The following P4HA3 variants were observed in gnomAD, a reference collection of about 807,000 sequenced individuals.
P4HA3 encodes the protein prolyl 4-hydroxylase subunit alpha 3, also known as prolyl 4-hydroxylase subunit alpha-3.
A neutral mutation model predicts 66.7 loss-of-function variants in P4HA3; 60 were observed. The ratio of observed to expected loss-of-function variants is 0.90; its 90% CI spans 0.73 to 1.12. The LOEUF is 1.12. Ranked by LOEUF, P4HA3 falls within the 50% of genes most tolerant of loss-of-function variation. The pLI is 0.00. For synonymous variants in P4HA3, 263 were observed against 274.6 expected (o/e 0.96, Z 0.42); for missense variants, 683 against 685.8 (o/e 1.00, Z 0.05).
At chr11:74,263,586 C>T (rs1859944199), downstream of P4HA3, among the ~76,000 whole-genome samples, 5 of 152,230 alleles carry the variant, frequency 3.3e-5, no homozygotes, top group South Asian at 1.0e-3. Context: ...ACTCAGTTTC[C>T]CTCATCTATA....
chr11:74,268,977 G>A (rs1015836317), intron 11 of P4HA3, among the ~76,000 whole-genome samples: 14 of 152,286 alleles, frequency 9.2e-5, no homozygotes, highest in African/African-American at 3.4e-4. Context: ...TACAAGAGGC[G>A]TCAAGCTCCT....
chr11:74,277,807 C>T (rs1343529377), intron 8 of P4HA3, among the ~76,000 whole-genome samples: 1 of 152,196 alleles, frequency 6.6e-6, no homozygotes, highest in Non-Finnish European at 1.5e-5. Flanking sequence ...ATTTACGTCC[C>T]TGGGAAGTGA....
intron 3 of P4HA3, among the ~76,000 whole-genome samples, chr11:74,301,085 G>A (rs907255098): frequency 6.6e-6 from 1 of 152,172 alleles, no homozygotes; most frequent in Non-Finnish European, 1.5e-5. Flanking sequence ...AGAAGGGATG[G>A]GGGGTGGCGA....
chr11:74,297,597 AG>A (rs1861267829), intron 4 of P4HA3, among the ~76,000 whole-genome samples: 3 of 152,172 alleles, frequency 2.0e-5, no homozygotes, highest in Non-Finnish European at 4.4e-5. Flanking sequence ...TGCTTTATTT[AG>A]GGAAATGAAC....
intron 15 of P4HA3, chr11:74,252,528 TCTGCAGGGGTGATC>T (rs1859729931): frequency 2.2e-6 from 1 of 455,526 alleles, no homozygotes; most frequent in South Asian, 1.6e-5. Context: ...TATTAGCCAC[TCTGCAGGGGTGATC>T]CTGGAAGCTC....
At chr11:74,255,755 G>C (rs979176641) in intron 15 of P4HA3, among the ~76,000 whole-genome samples, 2 of 152,212 alleles carry the variant, frequency 1.3e-5, no homozygotes, top group Non-Finnish European at 2.9e-5. Context: ...AGAGAACTGT[G>C]TCCCCATGTC....
chr11:74,264,191 A>G (rs920734947), downstream of P4HA3, among the ~76,000 whole-genome samples: 2 of 151,794 alleles, frequency 1.3e-5, no homozygotes, highest in African/African-American at 4.8e-5. Context: ...TAAGGGAGAC[A>G]GACCAGTCCC....
intron 10 of P4HA3, 139 bp downstream of exon 10, chr11:74,273,406 C>T: frequency 1.7e-6 from 1 of 576,690 alleles, no homozygotes; most frequent in Non-Finnish European, 2.7e-6. Flanking sequence ...ATCAAAAATG[C>T]TGTCTGAAAT....
In P4HA3 at chr11:74,267,802, A is replaced by G. The variant is rs180950167; in HGVS notation, c.1564+343T>C. Among the ~76,000 whole-genome samples, 9 of 152,202 alleles carry G rather than the reference A, an allele frequency of 5.9e-5. No individual in the cohort carries two copies. In the East Asian group the frequency reaches 1.7e-3, roughly 29 times the overall value. ...CTCTTCTTTGTTTTCCCACCTCCTC[A>G]TGGGGAGCACTAAACAGGAGAGACA... is the stretch of plus-strand genomic sequence containing the variant. On this transcript the variant is annotated intron_variant, in intron 12 of 12. Coordinates refer to ENST00000331597, the MANE Select transcript of P4HA3 (RefSeq NM_182904.5).
intron 7 of P4HA3, among the ~76,000 whole-genome samples, chr11:74,280,442 G>A (rs1482128177): frequency 1.3e-5 from 2 of 152,166 alleles, no homozygotes; most frequent in Non-Finnish European, 2.9e-5. Flanking sequence ...TTACAGGAAT[G>A]AGCCACCATA....
intron 4 of P4HA3, among the ~76,000 whole-genome samples, chr11:74,294,825 C>A (rs1213579462): frequency 6.6e-5 from 10 of 152,168 alleles, no homozygotes; most frequent in Non-Finnish European, 1.5e-4. Context: ...CAGAGGAGTA[C>A]CCTGCCATGT....
chr11:74,288,969 T>C (rs1298442976), intron 5 of P4HA3, 110 bp downstream of exon 5: 1 of 563,804 alleles, frequency 1.8e-6, no homozygotes, highest in African/African-American at 2.2e-5. Context: ...AAAAAAAAGA[T>C]AATAAAGATA....
chr11:74,256,424 G>A (rs760329251), intron 15 of P4HA3, among the ~76,000 whole-genome samples: 4 of 152,186 alleles, frequency 2.6e-5, no homozygotes, highest in Admixed American at 1.3e-4. Context: ...TAAAGGCAAG[G>A]AAGCAAAAGC....
chr11:74,287,514 T>C (rs1860840591), intron 5 of P4HA3, among the ~76,000 whole-genome samples: 2 of 152,124 alleles, frequency 1.3e-5, no homozygotes, highest in South Asian at 4.1e-4. Context: ...TGCAAATAAA[T>C]AAAGAAGGGT....
chr11:74,261,062 C>T (rs901410628), intron 14 of P4HA3, among the ~76,000 whole-genome samples: 3 of 152,168 alleles, frequency 2.0e-5, no homozygotes, highest in Admixed American at 6.5e-5. Context: ...AGCTTGTACC[C>T]GCATTCAGGG....
chr11:74,266,878 C>T lies in P4HA3; in HGVS notation c.*370G>A. 1.2e-6 allele frequency: 1 copy of T among 831,620 alleles called. No individual in the cohort carries two copies. The highest frequency in any genetic ancestry group is 1.8e-6 in the Non-Finnish European group (1 of 551,972). The allele number at this position is 831,620 out of a possible 1,614,324, so 51.5% of individuals were successfully genotyped here. On this transcript the variant is annotated 3_prime_UTR_variant, in exon 13 of 13. Coordinates refer to ENST00000331597, the MANE Select transcript of P4HA3 (RefSeq NM_182904.5). ...GCCCCTCCTGCAGGTGTCCTCATTG[C>T]CACTTCTTGGTCCCTGTGGTCAAGG...
chr11:74,304,882 G>T (rs987843154), intron 1 of P4HA3, among the ~76,000 whole-genome samples: 1 of 152,108 alleles, frequency 6.6e-6, no homozygotes, highest in African/African-American at 2.4e-5. Context: ...TCCACGGACC[G>T]GGGGGTTGGG....
chr11:74,286,049 G>A (rs1860787989), intron 6 of P4HA3, 64 bp from the exon 7 acceptor site: 1 of 1,525,796 alleles, frequency 6.6e-7, no homozygotes, highest in African/African-American at 1.4e-5. Context: ...TCAACTTAGG[G>A]GAACTATGGC....
At chr11:74,284,651 G>T (rs17132911) in intron 7 of P4HA3, among the ~76,000 whole-genome samples, 41 of 152,132 alleles carry the variant, frequency 2.7e-4, no homozygotes, top group African/African-American at 9.6e-4. Flanking sequence ...TGTCTATTTA[G>T]TCATTCATGG....
Sources: allele counts gnomAD v4.1 joint callset (sites outside exome capture counted in the v4.1 genomes callset), GRCh38; gene constraint gnomAD v4.1.1; transcripts MANE v1.5; gene names NCBI Gene and HGNC (gene_info 2026-07-23, HGNC 2026-07-21).